Variants in TIMP2 observed in about 807,000 individuals in gnomAD.
TIMP2 encodes metalloproteinase inhibitor 2.
Under a neutral mutation model 24.3 loss-of-function variants are expected in TIMP2, and 5 were observed. That is an observed-to-expected ratio of 0.21 (90% CI 0.11 to 0.43). The LOEUF is 0.43. Ranked by LOEUF, TIMP2 falls within the 20% of genes least tolerant of loss-of-function variation. The pLI is 1.00. For synonymous variants in TIMP2, 130 were observed against 123.2 expected, an observed-to-expected ratio of 1.06 and a Z score of -0.37; for missense variants, 221 against 297.5, an observed-to-expected ratio of 0.74 and a Z score of 1.89.
chr17:78,903,221 A>C (rs994608813), intron 1 of TIMP2: 36 of 152,224 alleles, frequency 2.4e-4, no homozygotes, highest in African/African-American at 8.7e-4. Flanking sequence ...TTGCCATGGG[A>C]ACAGCAGAGC....
At chr17:78,917,363 GA>G (rs1430843083) in intron 1 of TIMP2, among the ~76,000 whole-genome samples, 3 of 152,132 alleles carry the variant, frequency 2.0e-5, no homozygotes, top group African/African-American at 7.2e-5. Context: ...CCGGGAGGCG[GA>G]GGTTGCAGTG....
intron 1 of TIMP2, among the ~76,000 whole-genome samples, chr17:78,875,956 G>A (rs1052552267): frequency 1.3e-5 from 2 of 152,190 alleles, no homozygotes; most frequent in Non-Finnish European, 2.9e-5. Context: ...TTGGAGCTGA[G>A]TCATGACTGG....
Position 78,871,026 on chromosome 17 carries a change from G to A in TIMP2, c.232-20C>T, listed in dbSNP as rs758264049. ...GAACATCTGGAAAGACAAGGAGGAGGACATGTAAGCAGAGGGAGGCCACAC... is the reference window on the plus strand; with the variant it reads ...GAACATCTGGAAAGACAAGGAGGAGAACATGTAAGCAGAGGGAGGCCACAC... On this transcript the variant is annotated intron_variant, in intron 2 of 4. Transcript: ENST00000262768. The A allele has an allele frequency of 5.0e-6, 8 of 1,602,612 alleles. No individual in the cohort carries two copies. The highest frequency in any genetic ancestry group is 1.7e-5 in the Admixed American group (1 of 59,620).
chr17:78,917,034 A>T (rs990161501), intron 1 of TIMP2, among the ~76,000 whole-genome samples: 1 of 152,132 alleles, frequency 6.6e-6, no homozygotes, highest in African/African-American at 2.4e-5. Context: ...GATGGGCACC[A>T]TGGCTTTGGA....
At chr17:78,877,696 TTTC>T (rs1055330377) in intron 1 of TIMP2, among the ~76,000 whole-genome samples, 2 of 151,772 alleles carry the variant, frequency 1.3e-5, no homozygotes, top group African/African-American at 4.8e-5. Context: ...CTGCTTTTCT[TTTC>T]TTTCTTTCTT....
chr17:78,857,430 C>T (rs762189041), intron 4 of TIMP2, 92 bp downstream of exon 4: 49 of 1,549,520 alleles, frequency 3.2e-5, no homozygotes, highest in African/African-American at 4.1e-5. Flanking sequence ...CGGGGATTAA[C>T]GGGTCCTGGA....
At chr17:78,921,878 C>T (rs919653515) in intron 1 of TIMP2, among the ~76,000 whole-genome samples, 3 of 152,200 alleles carry the variant, frequency 2.0e-5, no homozygotes, top group Non-Finnish European at 2.9e-5. Flanking sequence ...AATCCTCAGC[C>T]GGGCAGACAG....
chr17:78,902,967 C>G (rs530599500), intron 1 of TIMP2, among the ~76,000 whole-genome samples: 4 of 152,340 alleles, frequency 2.6e-5, no homozygotes, highest in African/African-American at 9.6e-5. Flanking sequence ...GGGACTTTGC[C>G]GCTGGCCTTG....
chr17:78,897,067 C>T (rs933634530), intron 1 of TIMP2: 58 of 911,246 alleles, frequency 6.4e-5, no homozygotes, highest in Non-Finnish European at 7.6e-5. Flanking sequence ...ACCCAGGCAG[C>T]GTGGAAGTGC....
At position 78,855,676 on chromosome 17, in the gene TIMP2, C is replaced by T; in HGVS notation, c.654G>A (p.Glu218=). ...GGCGTTGGAGGCCTGCTTATGGGTC[C>T]TCGATGTCGAGAAACTCCTGCTTGG... ...APPKQEFLDI[E]DP is the part of the protein sequence containing the mutation. Residue 218 remains glutamate, a synonymous_variant, in exon 5 of 5, where the codon GAG becomes GAA. Transcript: ENST00000262768. The surrounding 1 kb of genome is among the most constrained non-coding windows in gnomAD (Gnocchi z 6.0). The T allele has an allele frequency of 1.2e-6, 2 of 1,613,806 alleles. No homozygotes were observed. Among genetic ancestry groups the T allele is most frequent in the Non-Finnish European group, 1.7e-6 (2 of 1,180,026 alleles).
At chr17:78,886,736 T>A (rs772559683) in intron 1 of TIMP2, among the ~76,000 whole-genome samples, 3 of 152,116 alleles carry the variant, frequency 2.0e-5, no homozygotes. Context: ...TTCTTCTTTT[T>A]TTTTCCCCCT....
chr17:78,901,545 A>T (rs1599169908), intron 1 of TIMP2, among the ~76,000 whole-genome samples: 2 of 152,152 alleles, frequency 1.3e-5, no homozygotes, highest in African/African-American at 4.8e-5. Flanking sequence ...GGTCCTAGGA[A>T]GAAAAGCCAA....
At chr17:78,918,021 G>A (rs376957582) in intron 1 of TIMP2, among the ~76,000 whole-genome samples, 26 of 151,592 alleles carry the variant, frequency 1.7e-4, no homozygotes, top group East Asian at 1.4e-3. Context: ...AGAAGTTGGC[G>A]GCTGCCACTG....
At chr17:78,911,894 C>A (rs1316645410) in intron 1 of TIMP2, among the ~76,000 whole-genome samples, 66 of 111,970 alleles carry the variant, frequency 5.9e-4, no homozygotes, top group South Asian at 9.1e-4. Context: ...AAAAACACAC[C>A]AAAAAAAAAA....
chr17:78,900,299 A>T (rs1307502220), intron 1 of TIMP2: 1 of 152,136 alleles, frequency 6.6e-6, no homozygotes, highest in African/African-American at 2.4e-5. Flanking sequence ...TAATCCCAGC[A>T]CTTTGGGAGG....
chr17:78,917,425 G>A (rs1346331968), intron 1 of TIMP2, among the ~76,000 whole-genome samples: 5 of 152,198 alleles, frequency 3.3e-5, no homozygotes, highest in Non-Finnish European at 5.9e-5. Context: ...GCAAAACTCC[G>A]TCTCAGAAAA....
intron 1 of TIMP2, among the ~76,000 whole-genome samples, chr17:78,875,052 A>G (rs536996836): frequency 6.6e-6 from 1 of 152,080 alleles, no homozygotes; most frequent in Admixed American, 6.6e-5. Context: ...TAATTTTTGT[A>G]TTTTTAGTAG....
chr17:78,861,082 C>T (rs947956966), intron 3 of TIMP2, among the ~76,000 whole-genome samples: 1 of 151,528 alleles, frequency 6.6e-6, no homozygotes, highest in Non-Finnish European at 1.5e-5. Flanking sequence ...CCCCACTAGA[C>T]CTATAGCTAT....
At chr17:78,919,559 G>C (rs1487878935) in intron 1 of TIMP2, among the ~76,000 whole-genome samples, 1 of 152,170 alleles carries the variant, frequency 6.6e-6, no homozygotes, top group Non-Finnish European at 1.5e-5. Flanking sequence ...CATCTGCTGG[G>C]TGCGGTGGCT....
Sources: gnomAD v4.1 joint callset for allele counts (sites outside exome capture counted in the v4.1 genomes callset) on GRCh38, gnomAD v4.1.1 for gene constraint, Gnocchi (gnomAD v3.1) non-coding constraint, MANE v1.5 for transcripts, NCBI Gene and HGNC (gene_info 2026-07-23, HGNC 2026-07-21) for gene names.